Variants in FGD5 observed in about 807,000 individuals in gnomAD.
FGD5 encodes the protein FYVE, RhoGEF and PH domain-containing protein 5.
A neutral mutation model predicts 133.4 loss-of-function variants in FGD5; 28 were observed. The ratio of observed to expected loss-of-function variants is 0.21; its 90% CI spans 0.16 to 0.29. FGD5 has a LOEUF of 0.29. FGD5 is among the 10% of genes least tolerant of loss of function. The probability of loss-of-function intolerance (pLI) is 1.00; values close to 1 mark genes in which losing one functional copy is unlikely to be tolerated. For synonymous variants in FGD5, 810 were observed against 776.5 expected (o/e 1.04, Z -0.72); for missense variants, 1,858 against 1,895.2 (o/e 0.98, Z 0.36).
intron 18 of FGD5, 174 bp from the exon 19 acceptor site, chr3:14,932,403 T>A: frequency 1.6e-5 from 10 of 631,042 alleles, no homozygotes; most frequent in East Asian, 6.4e-5. Flanking sequence ...CTTTCCTTCC[T>A]CAGGGCTGGC....
At chr3:14,815,862 G>C (rs941404107), upstream of FGD5, among the ~76,000 whole-genome samples, 2 of 152,202 alleles carry the variant, frequency 1.3e-5, no homozygotes, top group African/African-American at 2.4e-5. Flanking sequence ...CCCTGCTCTG[G>C]ACTCGCTGGG....
chr3:14,863,982 TG>T, intron 1 of FGD5, 145 bp from the exon 2 acceptor site: 3 of 1,154,022 alleles, frequency 2.6e-6, no homozygotes, highest in Non-Finnish European at 3.6e-6. Flanking sequence ...GAAGCCAGTG[TG>T]GCTGGGGGTG....
chr3:14,894,422 G>T (rs1656419), intron 4 of FGD5, among the ~76,000 whole-genome samples: 6,632 of 152,010 alleles, frequency 0.044, 264 homozygotes, highest in East Asian at 0.2. Context: ...AAACAAGGTG[G>T]TGCAGCTATC....
Position 14,827,279 on chromosome 3 carries a change from T to A in FGD5, c.2525+5683T>A, listed in dbSNP as rs553965043. ...GTCGCAAATTGCCACATTTCTGGTATTCTTTTTTTTTTTTTTTTTTTTTTT... is the reference window on the plus strand; with the variant it reads ...GTCGCAAATTGCCACATTTCTGGTAATCTTTTTTTTTTTTTTTTTTTTTTT... On this transcript the variant is annotated intron_variant, in intron 1 of 19. Coordinates refer to ENST00000285046, the MANE Select transcript of FGD5 (RefSeq NM_152536.4). Among the ~76,000 whole-genome samples, 12 of 122,112 alleles carry A rather than the reference T, an allele frequency of 9.8e-5. No individual in the cohort carries two copies. In the South Asian group the frequency reaches 2.0e-3, roughly 20 times the overall value. The allele number at this position is 122,112 out of a possible 152,430, so 80.1% of individuals were successfully genotyped here.
In FGD5 at chr3:14,905,086, G is replaced by A. The variant is rs149070614; in HGVS notation, c.3265-2554G>A. Among the ~76,000 whole-genome samples the A allele has an allele frequency of 4.7e-3, 710 of 152,196 alleles. 8 individuals carry two copies. Among genetic ancestry groups the A allele is most frequent in the African/African-American group, 0.016 (681 of 41,524 alleles). On this transcript the variant is annotated intron_variant, in intron 9 of 19. Coordinates refer to ENST00000285046, the MANE Select transcript of FGD5 (RefSeq NM_152536.4). ...CTGTAAATTCTCACTCCAACAGTGA[G>A]AAGCCTCGTTCCTACCACCCATTAA...
At chr3:14,933,031 A>T in intron 19 of FGD5, 100 bp from the exon 20 acceptor site, 7 of 1,381,012 alleles carry the variant, frequency 5.1e-6, no homozygotes, top group Non-Finnish European at 7.1e-6. Flanking sequence ...CCTTGACTTC[A>T]AACTAAGAGG....
Position 14,828,191 on chromosome 3 carries a change from G to T in FGD5, c.2525+6595G>T, listed in dbSNP as rs144993304. On this transcript the variant is annotated intron_variant, in intron 1 of 19. Coordinates refer to ENST00000285046, the MANE Select transcript of FGD5 (RefSeq NM_152536.4). ...GCCTCAGTGGACTGAGAGTCTGGGGGTAGGAAGAGGACTTAGACCCAAGTC... is the reference window on the plus strand; with the variant it reads ...GCCTCAGTGGACTGAGAGTCTGGGGTTAGGAAGAGGACTTAGACCCAAGTC... 4.7e-3 allele frequency among the ~76,000 whole-genome samples: 718 copies of T among 152,264 alleles called. 6 individuals are homozygous for T. The highest frequency in any genetic ancestry group is 0.016 in the African/African-American group (684 of 41,534).
intron 1 of FGD5, among the ~76,000 whole-genome samples, chr3:14,846,013 C>G (rs1437745905): frequency 2.0e-5 from 3 of 152,132 alleles, no homozygotes; most frequent in Admixed American, 2.0e-4. Context: ...TCAAACTCAC[C>G]AAGCCCCGTG....
intron 1 of FGD5, among the ~76,000 whole-genome samples, chr3:14,825,333 A>G (rs2036580149): frequency 2.0e-5 from 3 of 152,162 alleles, no homozygotes; most frequent in Admixed American, 2.0e-4. Context: ...GGCTGAGTGC[A>G]GTGGCTTACG....
intron 2 of FGD5, among the ~76,000 whole-genome samples, chr3:14,868,264 C>G (rs2037534501): frequency 6.6e-6 from 1 of 152,052 alleles, no homozygotes; most frequent in South Asian, 2.1e-4. Context: ...GCAGCCCCTC[C>G]CAGGGACCCC....
At chr3:14,881,837 C>T (rs2037830605) in intron 4 of FGD5, among the ~76,000 whole-genome samples, 2 of 152,204 alleles carry the variant, frequency 1.3e-5, no homozygotes, top group South Asian at 2.1e-4. Flanking sequence ...CCACTCCCCT[C>T]GCATTCACTG....
At chr3:14,814,102 G>T, upstream of FGD5, among the ~76,000 whole-genome samples, 1 of 152,112 alleles carries the variant, frequency 6.6e-6, no homozygotes, top group East Asian at 1.9e-4. Context: ...GTAACTTAGG[G>T]TGAGGAGGGT....
At chr3:14,811,706 G>A (rs761368548) in intron 1 of FGD5, among the ~76,000 whole-genome samples, 31 of 152,182 alleles carry the variant, frequency 2.0e-4, no homozygotes, top group Non-Finnish European at 4.3e-4. Context: ...AACGGATTTA[G>A]AAAGCGAGAC....
chr3:14,844,942 C>T (rs1332152901), intron 1 of FGD5, among the ~76,000 whole-genome samples: 4 of 152,128 alleles, frequency 2.6e-5, no homozygotes, highest in South Asian at 2.1e-4. Context: ...GCTGGTGTCC[C>T]GTTACCTTCT....
At chr3:14,851,296 C>G (rs2037158990) in intron 1 of FGD5, among the ~76,000 whole-genome samples, 2 of 152,196 alleles carry the variant, frequency 1.3e-5, no homozygotes, top group South Asian at 4.1e-4. Context: ...AATTTAAGGA[C>G]TGATATCATC....
At position 14,820,885 on chromosome 3, in the gene FGD5, G is replaced by A. The variant is rs1275753083; in HGVS notation, c.1814G>A (p.Gly605Asp). 5 of 1,613,522 alleles carry A rather than the reference G, an allele frequency of 3.1e-6. No individual in the cohort carries two copies. The highest frequency in any genetic ancestry group is 2.7e-5 in the African/African-American group (2 of 74,820). ...CAGAGAAACCACCTTCCGTCCAGCGGCACCTCCACGCCTTCTTCCATGGTC... is the reference window on the plus strand; with the variant it reads ...CAGAGAAACCACCTTCCGTCCAGCGACACCTCCACGCCTTCTTCCATGGTC... The part of the protein sequence containing the change: ...FSQRNHLPSS[G>D]TSTPSSMVDI... Residue 605 changes from glycine to aspartate, a missense_variant, in exon 1 of 20, where the codon GGC becomes GAC. Coordinates refer to ENST00000285046, the MANE Select transcript of FGD5 (RefSeq NM_152536.4).
chr3:14,834,382 C>G (rs1309867817), intron 1 of FGD5, among the ~76,000 whole-genome samples: 1 of 152,170 alleles, frequency 6.6e-6, no homozygotes, highest in Admixed American at 6.5e-5. Context: ...ATAGCTACCT[C>G]AAGGAGTTAT....
At position 14,844,219 on chromosome 3, in the gene FGD5, TATATATATATATATATATATATATA is replaced by T. The variant is rs2036993162; in HGVS notation, c.2526-19908_2526-19884del. 3.2e-4 allele frequency among the ~76,000 whole-genome samples: 4 copies of T among 12,418 alleles called. 1 individual carries two copies. The highest frequency in any genetic ancestry group is 4.1e-4 in the Non-Finnish European group (3 of 7,298). The allele number at this position is 12,418 out of a possible 152,430, so 8.1% of individuals were successfully genotyped here. On this transcript the variant is annotated intron_variant, in intron 1 of 19. Coordinates refer to ENST00000285046, the MANE Select transcript of FGD5 (RefSeq NM_152536.4). ...TAATAGGCATTAAAAAAAAAAAAAA[TATATATATATATATATATATATATA>T]TATATATATATATATATATATATAT...
chr3:14,817,106 A>G (rs1330195777), upstream of FGD5, among the ~76,000 whole-genome samples: 1 of 152,254 alleles, frequency 6.6e-6, no homozygotes, highest in African/African-American at 2.4e-5. Flanking sequence ...AAGAGTGTCA[A>G]ACACCTCATT....
Sources: allele counts gnomAD v4.1 joint callset (sites outside exome capture counted in the v4.1 genomes callset), GRCh38; gene constraint gnomAD v4.1.1; transcripts MANE v1.5; gene names NCBI Gene and HGNC (gene_info 2026-07-23, HGNC 2026-07-21).